The following PTK2B variants were observed in gnomAD, a reference collection of about 807,000 sequenced individuals.
PTK2B encodes protein tyrosine kinase 2 beta.
In PTK2B, 71 loss-of-function variants were observed where a neutral mutation model predicts 142.9. The observed-to-expected ratio is 0.50, with a 90% CI of 0.41 to 0.61. PTK2B has a LOEUF of 0.61. Ranked by LOEUF, PTK2B falls within the 20% of genes least tolerant of loss-of-function variation. The pLI is 0.00. For synonymous variants in PTK2B, 519 were observed against 503.4 expected (o/e 1.03, Z -0.42); for missense variants, 1,105 against 1,320.4 (o/e 0.84, Z 2.53).
intron 13 of PTK2B, 55 bp downstream of exon 13, chr8:27,434,614 C>T (rs1466687930): frequency 1.1e-5 from 17 of 1,551,694 alleles, no homozygotes; most frequent in Non-Finnish European, 1.4e-5. Context: ...TCTGCTTGCT[C>T]CCCACTGCTT....
At chr8:27,372,357 A>G (rs1028851528) in intron 1 of PTK2B, among the ~76,000 whole-genome samples, 1 of 152,226 alleles carries the variant, frequency 6.6e-6, no homozygotes, top group African/African-American at 2.4e-5. Context: ...CGGCAGGCTC[A>G]AGACCCAGGA....
chr8:27,340,863 G>A (rs1433484640), intron 1 of PTK2B, among the ~76,000 whole-genome samples: 2 of 152,226 alleles, frequency 1.3e-5, no homozygotes, highest in African/African-American at 4.8e-5. Context: ...GGTGAAGGAA[G>A]AACCCACTTC....
intron 1 of PTK2B, among the ~76,000 whole-genome samples, chr8:27,330,663 A>G (rs1241974282): frequency 1.3e-5 from 2 of 151,992 alleles, no homozygotes; most frequent in Non-Finnish European, 2.9e-5. Context: ...TTTTTGAGTC[A>G]CTCTGCTATT....
intron 3 of PTK2B, among the ~76,000 whole-genome samples, chr8:27,316,235 T>C (rs1460383973): frequency 6.6e-6 from 1 of 152,064 alleles, no homozygotes; most frequent in Non-Finnish European, 1.5e-5. Context: ...GGAATAACTT[T>C]TTAAATTGTT....
At chr8:27,312,399 A>C (rs924481387) in intron 2 of PTK2B, 2 of 152,184 alleles carry the variant, frequency 1.3e-5, no homozygotes, top group African/African-American at 4.8e-5. Flanking sequence ...TGAGTTTCCT[A>C]AACTTGGGGC....
chr8:27,412,795 GA>G lies in PTK2B; in HGVS notation c.205-7091del, dbSNP rs374125336. On this transcript the variant is annotated intron_variant, in intron 2 of 30. Coordinates refer to ENST00000346049, the MANE Select transcript of PTK2B (RefSeq NM_173176.3). ...TTGGTTGCTTCTTAGAAGGAAATCT[GA>G]AAAAAAAATTTTGTGCAAGCAGAGT... Among the ~76,000 whole-genome samples the G allele has an allele frequency of 8.8e-4, 133 of 151,598 alleles. 1 individual carries two copies. The highest frequency in any genetic ancestry group is 2.3e-3 in the African/African-American group (95 of 41,364).
chr8:27,406,733 C>T (rs1365351337), intron 2 of PTK2B, among the ~76,000 whole-genome samples: 1 of 152,084 alleles, frequency 6.6e-6, no homozygotes, highest in Non-Finnish European at 1.5e-5. Context: ...ATCCTCCTGC[C>T]CCAAGTGCCA....
intron 27 of PTK2B, chr8:27,451,819 T>G (rs1364823707): frequency 1.5e-5 from 19 of 1,244,712 alleles, no homozygotes; most frequent in Non-Finnish European, 1.9e-5. Flanking sequence ...TTTCCTGCTC[T>G]GTTGGAAGCT....
chr8:27,441,197 A>G (rs973815345), intron 21 of PTK2B, among the ~76,000 whole-genome samples: 1 of 152,216 alleles, frequency 6.6e-6, no homozygotes, highest in African/African-American at 2.4e-5. Flanking sequence ...ACATCGATGA[A>G]TGGGTGTAGC....
At chr8:27,439,685 T>C (rs11995441) in intron 20 of PTK2B, among the ~76,000 whole-genome samples, 60,550 of 151,846 alleles carry the variant, frequency 0.4, 12,418 homozygotes, top group African/African-American at 0.45. Flanking sequence ...GACGAAACTC[T>C]GTGACTTATT....
At chr8:27,441,788 G>T (rs968496464) in intron 21 of PTK2B, among the ~76,000 whole-genome samples, 1 of 152,222 alleles carries the variant, frequency 6.6e-6, no homozygotes, top group African/African-American at 2.4e-5. Context: ...TAATTTGGGA[G>T]GTTAAAAGCC....
At chr8:27,344,731 CT>C (rs1804613972) in intron 1 of PTK2B, among the ~76,000 whole-genome samples, 1 of 152,200 alleles carries the variant, frequency 6.6e-6, no homozygotes, top group African/African-American at 2.4e-5. Flanking sequence ...CCTTGTGCTT[CT>C]GCCACCTCTG....
intron 5 of PTK2B, among the ~76,000 whole-genome samples, chr8:27,424,547 G>A (rs980905876): frequency 1.3e-5 from 2 of 152,184 alleles, no homozygotes; most frequent in Non-Finnish European, 2.9e-5. Flanking sequence ...CTGAAATGCC[G>A]GGTGTATGAT....
chr8:27,335,595 CAAAAAAA>C (rs900959610), intron 1 of PTK2B, among the ~76,000 whole-genome samples: 2 of 74,332 alleles, frequency 2.7e-5, no homozygotes, highest in Non-Finnish European at 6.0e-5. Flanking sequence ...AACACTGTCT[CAAAAAAA>C]AAAAAAAAAA....
intron 14 of PTK2B, among the ~76,000 whole-genome samples, 181 bp downstream of exon 14, chr8:27,435,974 C>CT (rs1810751799): frequency 1.3e-5 from 2 of 152,182 alleles, no homozygotes; most frequent in African/African-American, 4.8e-5. Context: ...TTTTCTCTCC[C>CT]TATACTGATT....
At chr8:27,320,979 G>GTTTTTTTTTTTTT (rs1257774872), upstream of PTK2B, among the ~76,000 whole-genome samples, 1 of 32,654 alleles carries the variant, frequency 3.1e-5, no homozygotes. Context: ...CATACAAAAG[G>GTTTTTTTTTTTTT]CTTTTTTTTT....
rs141042486 is a variant in PTK2B, at chr8:27,437,873, G to A, written c.1636G>A (p.Val546Met). ...AMAYLESINC[V>M]HRDIAVRNIL... ...GGCCTACCTGGAGAGCATCAACTGC[G>A]TGCACAGGTAGGGGTGGAGGGAGTG... Residue 546 changes from valine (V) to methionine (M), a missense_variant, in exon 18 of 31, where the codon GTG (valine) becomes ATG (methionine). Physicochemically the swap from Val to Met is conservative, Grantham distance 21. Coordinates refer to ENST00000346049, the MANE Select transcript of PTK2B (RefSeq NM_173176.3). 76 of 1,610,432 alleles carry A rather than the reference G, an allele frequency of 4.7e-5. No homozygotes were observed. Among genetic ancestry groups the A allele is most frequent in the East Asian group, 2.7e-4 (12 of 44,802 alleles).
chr8:27,330,099 G>A (rs1204706192), intron 1 of PTK2B, among the ~76,000 whole-genome samples: 3 of 152,080 alleles, frequency 2.0e-5, no homozygotes, highest in South Asian at 2.1e-4. Context: ...CTGTAGCGTG[G>A]ACATATCCAA....
Position 27,368,122 on chromosome 8 carries a change from G to A in PTK2B, c.-37-29426G>A, listed in dbSNP as rs1806127575. On this transcript the variant is annotated intron_variant, in intron 1 of 30. Transcript: ENST00000346049. ...TGTTAGCAGACGCCAGATGGCCTAG[G>A]ACCGTCCTTTCTCTCTGCCATGGAG... Among the ~76,000 whole-genome samples the A allele has an allele frequency of 5.9e-5, 9 of 152,382 alleles. No homozygotes were observed. The South Asian group carries it at 1.9e-3, about 32-fold the overall frequency.
Sources: allele counts gnomAD v4.1 joint callset (sites outside exome capture counted in the v4.1 genomes callset), GRCh38; gene constraint gnomAD v4.1.1; transcripts MANE v1.5; gene names NCBI Gene and HGNC (gene_info 2026-07-23, HGNC 2026-07-21).